The following RMI1 variants were observed in gnomAD, a reference collection of about 807,000 sequenced individuals.
The protein encoded by RMI1 is RecQ mediated genome instability 1, also known as recQ-mediated genome instability protein 1.
RMI1 carries 36 observed loss-of-function variants against 46.7 expected under a neutral mutation model. The ratio of observed to expected loss-of-function variants is 0.77; its 90% CI spans 0.59 to 1.02. The LOEUF (loss-of-function observed/expected upper bound fraction) is 1.02, where lower values mean the gene tolerates loss of function less well. Among genes scored for constraint, RMI1 ranks in the 50% least tolerant of loss-of-function variants. The pLI is 0.00. For missense variants in RMI1, 676 were observed against 713.7 expected (o/e 0.95, Z 0.60); for synonymous variants, 250 against 252.9 (o/e 0.99, Z 0.11).
At chr9:83,990,729 T>G (rs1957560564) in intron 1 of RMI1, among the ~76,000 whole-genome samples, 1 of 152,200 alleles carries the variant, frequency 6.6e-6, no homozygotes, top group African/African-American at 2.4e-5. Context: ...GTACTCCATA[T>G]ATATGTAGGT....
chr9:83,992,540 G>T (rs1350708257), intron 1 of RMI1, among the ~76,000 whole-genome samples: 5 of 151,838 alleles, frequency 3.3e-5, no homozygotes. Flanking sequence ...TATGAGACCT[G>T]AACCAAAAAG....
At chr9:83,987,996 C>A (rs1471700593) in intron 1 of RMI1, among the ~76,000 whole-genome samples, 1 of 152,092 alleles carries the variant, frequency 6.6e-6, no homozygotes, top group Admixed American at 6.6e-5. Context: ...AGTGATCCTC[C>A]TACCTCTGCC....
intron 1 of RMI1, among the ~76,000 whole-genome samples, chr9:83,994,803 C>G (rs957190752): frequency 6.6e-6 from 1 of 152,114 alleles, no homozygotes; most frequent in Non-Finnish European, 1.5e-5. Flanking sequence ...CAGACATGAA[C>G]CACCACGTCT....
At chr9:83,985,417 T>G (rs1321382375) in intron 1 of RMI1, among the ~76,000 whole-genome samples, 1 of 152,222 alleles carries the variant, frequency 6.6e-6, no homozygotes. Context: ...TTGAGAATAG[T>G]TGTATTGGAA....
At position 84,001,513 on chromosome 9, in the gene RMI1, G is replaced by T. The variant is rs752835999; in HGVS notation, c.527G>T (p.Arg176Leu). 2.5e-6 allele frequency: 4 copies of T among 1,613,812 alleles called. No homozygotes were observed. Among genetic ancestry groups the T allele is most frequent in the Admixed American group, 1.7e-5 (1 of 59,992 alleles). Reference sequence around the variant, plus strand: ...TTGATTTATGGAAATATATCTTTCCGTCTTGGTGTTCTCTTATTGAAACCA... The same window carrying T: ...TTGATTTATGGAAATATATCTTTCCTTCTTGGTGTTCTCTTATTGAAACCA... ...KILIYGNISF[R>L]LGVLLLKPEN... The change falls in exon 3 of 3, where the codon CGT (arginine) becomes CTT (leucine). Residue 176 changes from arginine to leucine, a missense_variant. Coordinates refer to ENST00000445877, the MANE Select transcript of RMI1 (RefSeq NM_001358291.2).
At chr9:83,991,035 G>A (rs1178472207) in intron 1 of RMI1, among the ~76,000 whole-genome samples, 2 of 152,108 alleles carry the variant, frequency 1.3e-5, no homozygotes, top group Admixed American at 6.6e-5. Context: ...TCGAACTCCC[G>A]ACCTCAGGTG....
chr9:83,996,632 G>A (rs1227707495), intron 1 of RMI1, among the ~76,000 whole-genome samples: 2 of 151,888 alleles, frequency 1.3e-5, no homozygotes, highest in African/African-American at 4.8e-5. Context: ...CCTTTGTTTT[G>A]TATACAAAAG....
intron 1 of RMI1, among the ~76,000 whole-genome samples, chr9:83,995,268 G>A (rs1302550524): frequency 6.7e-6 from 1 of 150,034 alleles, no homozygotes; most frequent in Non-Finnish European, 1.5e-5. Flanking sequence ...CAAAATGCTG[G>A]CATTACAGGC....
intron 1 of RMI1, among the ~76,000 whole-genome samples, chr9:83,994,795 G>A (rs1211529507): frequency 6.6e-6 from 1 of 152,110 alleles, no homozygotes; most frequent in African/African-American, 2.4e-5. Context: ...TGTGATTACA[G>A]ACATGAACCA....
At chr9:83,994,160 A>T (rs1271616785) in intron 1 of RMI1, among the ~76,000 whole-genome samples, 1 of 152,146 alleles carries the variant, frequency 6.6e-6, no homozygotes, top group African/African-American at 2.4e-5. Context: ...GTTGTTAATT[A>T]TCAAGTTGAG....
rs184657349 is a variant in RMI1 at position 83,993,402 on chromosome 9, A to G, written c.-125-6307A>G. Among the ~76,000 whole-genome samples, 955 of 152,294 alleles carry G rather than the reference A, an allele frequency of 6.3e-3. 8 individuals carry two copies. Among genetic ancestry groups the G allele is most frequent in the African/African-American group, 0.021 (865 of 41,558 alleles). ...TTTGTGTATCCTTCTATCAGTGGAC[A>G]TTTCGATTGTTTCTGTATCGTTAAT... On this transcript the variant is annotated intron_variant, in intron 1 of 2. Coordinates refer to ENST00000445877, the MANE Select transcript of RMI1 (RefSeq NM_001358291.2).
Position 84,001,328 on chromosome 9 carries a change from T to C in RMI1, c.342T>C (p.Asp114=). The C allele has an allele frequency of 6.2e-7, 1 of 1,614,122 alleles. No individual in the cohort carries two copies. Among genetic ancestry groups the C allele is most frequent in the Non-Finnish European group, 8.5e-7 (1 of 1,179,996 alleles). ...TGAGAGGAAAGAATACAACAAATGA[T>C]CTAGTTACAGCTGAAGCACAAGTAA... ...QKLRGKNTTN[D]LVTAEAQVTP... Residue 114 remains aspartate (D), a synonymous_variant, in exon 3 of 3, where the codon GAT becomes GAC. Coordinates refer to ENST00000445877, the MANE Select transcript of RMI1 (RefSeq NM_001358291.2).
At chr9:83,993,628 A>C (rs1307980433) in intron 1 of RMI1, among the ~76,000 whole-genome samples, 4 of 152,186 alleles carry the variant, frequency 2.6e-5, no homozygotes, top group African/African-American at 9.7e-5. Context: ...ATTTTCCCAC[A>C]TCCTCTCCAA....
At chr9:83,984,721 T>A (rs1306457197) in intron 1 of RMI1, among the ~76,000 whole-genome samples, 1 of 151,582 alleles carries the variant, frequency 6.6e-6, no homozygotes. Flanking sequence ...GCCACCAGGC[T>A]CAGCTAATTT....
chr9:83,990,953 G>T (rs1030999033), intron 1 of RMI1, among the ~76,000 whole-genome samples: 1 of 151,924 alleles, frequency 6.6e-6, no homozygotes, highest in African/African-American at 2.4e-5. Context: ...GATTACAGGC[G>T]TGTCCCACCA....
chr9:83,999,475 A>T (rs1225322754), intron 1 of RMI1, among the ~76,000 whole-genome samples: 2 of 152,198 alleles, frequency 1.3e-5, no homozygotes, highest in African/African-American at 4.8e-5. Flanking sequence ...AGCACCAGAG[A>T]TGTACTCTTA....
intron 1 of RMI1, among the ~76,000 whole-genome samples, chr9:83,993,247 A>G (rs574948359): frequency 6.4e-4 from 97 of 152,308 alleles, no homozygotes; most frequent in Non-Finnish European, 1.2e-3. Context: ...GGAATCATGC[A>G]GTATTTGTCC....
intron 1 of RMI1, among the ~76,000 whole-genome samples, chr9:83,999,248 G>C (rs1452827434): frequency 1.3e-5 from 2 of 151,982 alleles, no homozygotes; most frequent in African/African-American, 2.4e-5. Context: ...GCCAGTTGCT[G>C]TAGTAGGCAC....
chr9:83,995,662 AGGTGATCCACCCACCTC>A (rs955661860), intron 1 of RMI1, among the ~76,000 whole-genome samples: 18 of 152,076 alleles, frequency 1.2e-4, no homozygotes, highest in African/African-American at 3.4e-4. Flanking sequence ...TCCTGACCTC[AGGTGATCCACCCACCTC>A]GGCCTCCCAG....
Sources: allele counts gnomAD v4.1 joint callset (sites outside exome capture counted in the v4.1 genomes callset), GRCh38; gene constraint gnomAD v4.1.1; transcripts MANE v1.5; gene names NCBI Gene and HGNC (gene_info 2026-07-23, HGNC 2026-07-21).